TMEM163: variants seen among roughly 807,000 people sequenced by gnomAD.
TMEM163 encodes transmembrane protein 163.
In TMEM163, 17 loss-of-function variants were observed where a neutral mutation model predicts 29.3. That is an observed-to-expected ratio of 0.58 (90% CI 0.40 to 0.87). TMEM163 has a LOEUF of 0.87. TMEM163 is among the 40% of genes least tolerant of loss of function. The pLI is 0.00. For synonymous variants in TMEM163, 157 were observed against 160.6 expected (o/e 0.98, Z 0.17); for missense variants, 303 against 381.5 (o/e 0.79, Z 1.71).
intron 4 of TMEM163, among the ~76,000 whole-genome samples, chr2:134,534,029 C>T (rs76627418): frequency 6.6e-6 from 1 of 152,320 alleles, no homozygotes; most frequent in East Asian, 1.9e-4. Context: ...TCCTTCACAG[C>T]TCTGCCTACT....
chr2:134,492,111 C>T (rs893882085), intron 5 of TMEM163, among the ~76,000 whole-genome samples: 4 of 152,196 alleles, frequency 2.6e-5, no homozygotes, highest in Non-Finnish European at 5.9e-5. Flanking sequence ...TATATTTAGC[C>T]TACTATTTAC....
intron 4 of TMEM163, among the ~76,000 whole-genome samples, chr2:134,529,626 A>T (rs191514221): frequency 6.6e-6 from 1 of 151,566 alleles, no homozygotes; most frequent in African/African-American, 2.4e-5. Flanking sequence ...GGTGGTACAC[A>T]CCTGTAGTCC....
Position 134,699,069 on chromosome 2 carries a change from A to C in TMEM163, c.322+14131T>G, listed in dbSNP as rs79086841. On this transcript the variant is annotated intron_variant, in intron 2 of 7. Transcript: ENST00000281924. ...AAATGAAAAAGGATAGAAATTATCA[A>C]AGTGAAATTTTTTTCACATTTTAAC... Among the ~76,000 whole-genome samples, 79 of 152,366 alleles carry C rather than the reference A, an allele frequency of 5.2e-4. No homozygotes were observed. The East Asian group carries it at 9.8e-3, about 19-fold the overall frequency.
intron 4 of TMEM163, among the ~76,000 whole-genome samples, chr2:134,521,989 T>C (rs900811714): frequency 3.3e-5 from 5 of 152,138 alleles, no homozygotes; most frequent in Non-Finnish European, 5.9e-5. Flanking sequence ...TGTCTGCCCA[T>C]AAGGCTCAAA....
chr2:134,715,664 A>G (rs1384440247), intron 1 of TMEM163, among the ~76,000 whole-genome samples: 1 of 152,220 alleles, frequency 6.6e-6, no homozygotes, highest in East Asian at 1.9e-4. Context: ...TGTTCCACAC[A>G]CAGGTACCTC....
At chr2:134,517,950 GAA>G (rs11307207) in intron 4 of TMEM163, among the ~76,000 whole-genome samples, 125 of 148,726 alleles carry the variant, frequency 8.4e-4, no homozygotes, top group Middle Eastern at 6.9e-3. Context: ...TTGTCAGATG[GAA>G]AAAAAAAAAT....
intron 2 of TMEM163, among the ~76,000 whole-genome samples, chr2:134,675,230 A>C (rs1279757299): frequency 6.6e-6 from 1 of 152,248 alleles, no homozygotes; most frequent in Non-Finnish European, 1.5e-5. Flanking sequence ...ATCATTACAG[A>C]AGGAAAAAAT....
chr2:134,637,154 G>A (rs75035398), intron 2 of TMEM163, among the ~76,000 whole-genome samples: 6,791 of 152,260 alleles, frequency 0.045, 516 homozygotes, highest in African/African-American at 0.15. Context: ...ATTGTTGGGC[G>A]ATTACAAAAC....
chr2:134,694,782 T>C (rs1310212402), intron 2 of TMEM163, among the ~76,000 whole-genome samples: 1 of 152,216 alleles, frequency 6.6e-6, no homozygotes, highest in African/African-American at 2.4e-5. Context: ...AAAGTTTCCA[T>C]TTTGAAAATG....
In TMEM163 at chr2:134,460,600, A is replaced by G. The variant is rs549220646; in HGVS notation, c.668-2427T>C. 2.0e-5 allele frequency among the ~76,000 whole-genome samples: 3 copies of G among 152,224 alleles called. No individual in the cohort carries two copies. The highest frequency in any genetic ancestry group is 3.9e-4 in the East Asian group (2 of 5,162). On this transcript the variant is annotated intron_variant, in intron 6 of 7. Transcript: ENST00000281924. The surrounding 1 kb of genome is among the most constrained non-coding windows in gnomAD (Gnocchi z 4.3). Reference sequence around the variant, plus strand: ...GGCAGGCAGGCATGGGCCCAGCCTGAGCGCCACCCCTGCCTGGCTCCCGCA... The same window carrying G: ...GGCAGGCAGGCATGGGCCCAGCCTGGGCGCCACCCCTGCCTGGCTCCCGCA...
At chr2:134,603,989 C>T (rs1682294403) in intron 2 of TMEM163, among the ~76,000 whole-genome samples, 1 of 152,134 alleles carries the variant, frequency 6.6e-6, no homozygotes, top group African/African-American at 2.4e-5. Context: ...TGCAGCCCCT[C>T]TCAAAGGTAC....
intron 2 of TMEM163, among the ~76,000 whole-genome samples, chr2:134,662,289 A>G (rs1683772760): frequency 6.6e-6 from 1 of 152,170 alleles, no homozygotes; most frequent in Admixed American, 6.5e-5. Context: ...AGGTCCAATC[A>G]TATTACATAG....
chr2:134,644,874 A>G (rs1410083061), intron 2 of TMEM163, among the ~76,000 whole-genome samples: 1 of 152,208 alleles, frequency 6.6e-6, no homozygotes, highest in Non-Finnish European at 1.5e-5. Flanking sequence ...ATATCCACCA[A>G]AGGTCATGGA....
intron 5 of TMEM163, chr2:134,467,666 G>A (rs1469235524): frequency 6.6e-6 from 1 of 152,178 alleles, no homozygotes; most frequent in Non-Finnish European, 1.5e-5. Flanking sequence ...AGTAAATGCA[G>A]CATGGCATCC....
intron 2 of TMEM163, among the ~76,000 whole-genome samples, chr2:134,699,091 T>C (rs897458239): frequency 1.9e-4 from 29 of 152,242 alleles, no homozygotes; most frequent in African/African-American, 7.0e-4. Flanking sequence ...TTTCACATTT[T>C]AACAACTCTG....
intron 2 of TMEM163, among the ~76,000 whole-genome samples, chr2:134,628,584 A>G (rs112340547): frequency 2.0e-5 from 3 of 152,356 alleles, no homozygotes; most frequent in South Asian, 2.1e-4. Context: ...CTGAACCACA[A>G]TAAAATCCTA....
intron 2 of TMEM163, among the ~76,000 whole-genome samples, chr2:134,675,809 A>G (rs925860244): frequency 6.6e-6 from 1 of 152,226 alleles, no homozygotes; most frequent in African/African-American, 2.4e-5. Context: ...TCAAAAGCAG[A>G]AAGGCCATGC....
rs117864358 is a variant in TMEM163 at position 134,698,271 on chromosome 2, G to A, written c.322+14929C>T. On this transcript the variant is annotated intron_variant, in intron 2 of 7. Coordinates refer to ENST00000281924, the MANE Select transcript of TMEM163 (RefSeq NM_030923.5). ...AAATCACCTCTGATCATGAACTACC[G>A]TCTTGGATTAACATCTTTAATGGTC... Among the ~76,000 whole-genome samples the A allele has an allele frequency of 3.1e-3, 473 of 152,254 alleles. 3 individuals carry two copies. The highest frequency in any genetic ancestry group is 8.5e-3 in the East Asian group (44 of 5,180).
At chr2:134,674,340 ATTTTTT>A (rs72052495) in intron 2 of TMEM163, among the ~76,000 whole-genome samples, 3 of 106,580 alleles carry the variant, frequency 2.8e-5, no homozygotes, top group African/African-American at 7.5e-5. Flanking sequence ...AGAGTCATTA[ATTTTTT>A]TTTTTTTTTT....
Sources: allele counts gnomAD v4.1 joint callset (sites outside exome capture counted in the v4.1 genomes callset), GRCh38; gene constraint gnomAD v4.1.1; non-coding constraint Gnocchi (gnomAD v3.1); transcripts MANE v1.5; gene names NCBI Gene and HGNC (gene_info 2026-07-23, HGNC 2026-07-21).